ADIPOR2: variants seen among roughly 807,000 people sequenced by gnomAD.
ADIPOR2 encodes the protein adiponectin receptor protein 2.
A neutral mutation model predicts 40.9 loss-of-function variants in ADIPOR2; 18 were observed. That is an observed-to-expected ratio of 0.44 (90% CI 0.30 to 0.65). ADIPOR2 has a LOEUF of 0.65. Ranked by LOEUF, ADIPOR2 falls within the 30% of genes least tolerant of loss-of-function variation. The pLI is 0.09. For synonymous variants in ADIPOR2, 165 were observed against 166.4 expected (o/e 0.99, Z 0.06); for missense variants, 283 against 479.2 (o/e 0.59, Z 3.82).
At chr12:1,728,454 G>A (rs1221964049) in intron 1 of ADIPOR2, among the ~76,000 whole-genome samples, 1 of 151,894 alleles carries the variant, frequency 6.6e-6, no homozygotes, top group Non-Finnish European at 1.5e-5. Context: ...TGGGCGCAGT[G>A]GCTCACGCCT....
intron 2 of ADIPOR2, among the ~76,000 whole-genome samples, chr12:1,760,291 C>T (rs1377554754): frequency 6.6e-6 from 1 of 152,118 alleles, no homozygotes; most frequent in Non-Finnish European, 1.5e-5. Flanking sequence ...GAAAATATCA[C>T]ATTTACTCAC....
Position 1,788,509 on chromosome 12 carries a change from G to A in ADIPOR2, c.*2437G>A, listed in dbSNP as rs1040341722. On this transcript the variant is annotated 3_prime_UTR_variant, in exon 8 of 8. Transcript: ENST00000357103. ...CACCATTAAATAGTGGCCTTTTTCA[G>A]TATTTTCCCTCTTCCCCTTTATAAA... 6.6e-6 allele frequency: 1 copy of A among 152,604 alleles called. No individual in the cohort carries two copies. The highest frequency in any genetic ancestry group is 1.5e-5 in the Non-Finnish European group (1 of 68,034). 9.5% of individuals were successfully genotyped at this position (152,604 alleles called of 1,614,324 possible).
intron 1 of ADIPOR2, among the ~76,000 whole-genome samples, chr12:1,728,897 C>T (rs928973773): frequency 6.7e-6 from 1 of 149,146 alleles, no homozygotes; most frequent in East Asian, 2.0e-4. Context: ...CTCTCTTTTA[C>T]TGTTAAAAAA....
chr12:1,737,669 A>G (rs117465866), intron 1 of ADIPOR2, among the ~76,000 whole-genome samples: 2,298 of 151,860 alleles, frequency 0.015, 23 homozygotes, highest in Middle Eastern at 0.054. Context: ...TGTGACCTCT[A>G]CCTCCTGGGT....
At chr12:1,785,822 T>C (rs779081067) in intron 7 of ADIPOR2, 122 bp from the exon 8 acceptor site, 9 of 1,302,576 alleles carry the variant, frequency 6.9e-6, no homozygotes, top group Non-Finnish European at 9.5e-6. Context: ...ATTTGAGCTC[T>C]GTCACATCCA....
At chr12:1,748,322 C>G (rs11061964) in intron 1 of ADIPOR2, among the ~76,000 whole-genome samples, 11,109 of 152,154 alleles carry the variant, frequency 0.073, 671 homozygotes, top group East Asian at 0.27. Context: ...GATCTCGGCT[C>G]ACTGCAAACT....
intron 1 of ADIPOR2, among the ~76,000 whole-genome samples, chr12:1,706,697 C>T (rs2094663758): frequency 6.6e-6 from 1 of 152,096 alleles, no homozygotes; most frequent in African/African-American, 2.4e-5. Flanking sequence ...TAACCATCAC[C>T]CTAATCAAGG....
chr12:1,741,383 G>T (rs949011129), intron 1 of ADIPOR2, among the ~76,000 whole-genome samples: 1 of 152,092 alleles, frequency 6.6e-6, no homozygotes, highest in African/African-American at 2.4e-5. Context: ...TAATTTGAGA[G>T]ATATTTTGGG....
chr12:1,760,230 T>A (rs1451971618), intron 2 of ADIPOR2, among the ~76,000 whole-genome samples: 1 of 152,174 alleles, frequency 6.6e-6, no homozygotes, highest in African/African-American at 2.4e-5. Context: ...TAACACATTC[T>A]CTGAAGATTG....
intron 1 of ADIPOR2, among the ~76,000 whole-genome samples, chr12:1,727,343 C>T (rs2094709847): frequency 6.6e-6 from 1 of 152,006 alleles, no homozygotes; most frequent in South Asian, 2.1e-4. Flanking sequence ...TCATTGTGTG[C>T]CTAAGCATAA....
rs73040723 is a variant in ADIPOR2 at position 1,716,391 on chromosome 12, T to C, written c.-87+25200T>C. ...TAATATGACCAGAAACTGAAACTGT[T>C]TCAGTTTGGCACAGGAGAGATTAGT... On this transcript the variant is annotated intron_variant, in intron 1 of 7. Coordinates refer to ENST00000357103, the MANE Select transcript of ADIPOR2 (RefSeq NM_024551.3). Among the ~76,000 whole-genome samples, 558 of 152,326 alleles carry C rather than the reference T, an allele frequency of 3.7e-3. 3 individuals carry two copies. Among genetic ancestry groups the C allele is most frequent in the South Asian group, 0.024 (117 of 4,832 alleles).
intron 1 of ADIPOR2, among the ~76,000 whole-genome samples, chr12:1,710,656 C>G (rs1456173233): frequency 6.6e-6 from 1 of 152,014 alleles, no homozygotes; most frequent in East Asian, 1.9e-4. Flanking sequence ...CCAGCTTCCT[C>G]TTTGCCTGTA....
intron 1 of ADIPOR2, among the ~76,000 whole-genome samples, chr12:1,745,237 G>GT (rs1236238094): frequency 2.6e-5 from 4 of 151,978 alleles, no homozygotes; most frequent in Admixed American, 6.6e-5. Context: ...CCATTGCTTT[G>GT]TTTTTTTCTT....
chr12:1,733,094 G>T (rs992739765), intron 1 of ADIPOR2, among the ~76,000 whole-genome samples: 1 of 152,140 alleles, frequency 6.6e-6, no homozygotes, highest in African/African-American at 2.4e-5. Flanking sequence ...GACAAGAGTA[G>T]CACCAGTTAT....
At chr12:1,765,897 C>T (rs761395468) in intron 2 of ADIPOR2, among the ~76,000 whole-genome samples, 9 of 152,166 alleles carry the variant, frequency 5.9e-5, no homozygotes, top group Non-Finnish European at 1.3e-4. Flanking sequence ...TTAAATAGTA[C>T]CAACTTTCTT....
At chr12:1,726,571 A>G (rs752076156) in intron 1 of ADIPOR2, among the ~76,000 whole-genome samples, 4 of 152,186 alleles carry the variant, frequency 2.6e-5, no homozygotes, top group Admixed American at 1.3e-4. Context: ...TTGAGAGTCA[A>G]GAGATCTGGG....
At chr12:1,728,552 G>C (rs982799303) in intron 1 of ADIPOR2, among the ~76,000 whole-genome samples, 1 of 151,400 alleles carries the variant, frequency 6.6e-6, no homozygotes, top group Non-Finnish European at 1.5e-5. Context: ...GTGAAACCCC[G>C]TCTCTACTAA....
At chr12:1,781,111 AT>A (rs1487127466) in intron 6 of ADIPOR2, 35 bp downstream of exon 6, 3 of 1,503,776 alleles carry the variant, frequency 2.0e-6, no homozygotes, top group Non-Finnish European at 2.7e-6. Flanking sequence ...TTCGACATTC[AT>A]TTATTCACTA....
intron 1 of ADIPOR2, among the ~76,000 whole-genome samples, chr12:1,699,739 C>T (rs983430094): frequency 2.6e-5 from 4 of 152,164 alleles, no homozygotes; most frequent in African/African-American, 4.8e-5. Flanking sequence ...TTAAATAGGA[C>T]GAACTGATAT....
Sources: gnomAD v4.1 joint callset for allele counts (sites outside exome capture counted in the v4.1 genomes callset) on GRCh38, gnomAD v4.1.1 for gene constraint, MANE v1.5 for transcripts, NCBI Gene and HGNC (gene_info 2026-07-23, HGNC 2026-07-21) for gene names.